The following SGMS1 variants were observed in gnomAD, a reference collection of about 807,000 sequenced individuals.
SGMS1 encodes sphingomyelin synthase 1, also known as phosphatidylcholine:ceramide cholinephosphotransferase 1.
A neutral mutation model predicts 46.2 loss-of-function variants in SGMS1; 13 were observed. That is an observed-to-expected ratio of 0.28 (90% CI 0.18 to 0.45). The LOEUF (loss-of-function observed/expected upper bound fraction) is 0.45, where lower values mean the gene tolerates loss of function less well. Among genes scored for constraint, SGMS1 ranks in the 20% least tolerant of loss-of-function variants. SGMS1 has a pLI of 1.00. For missense variants in SGMS1, 324 were observed against 519.9 expected (o/e 0.62, Z 3.66); for synonymous variants, 203 against 187.8 (o/e 1.08, Z -0.66).
At chr10:50,597,568 T>A (rs934101159) in intron 1 of SGMS1, among the ~76,000 whole-genome samples, 2 of 152,200 alleles carry the variant, frequency 1.3e-5, no homozygotes, top group Non-Finnish European at 2.9e-5. Flanking sequence ...GAAAAAATTA[T>A]AAAGGCAGAG....
At chr10:50,483,984 C>T (rs911800482) in intron 3 of SGMS1, among the ~76,000 whole-genome samples, 2 of 151,968 alleles carry the variant, frequency 1.3e-5, no homozygotes, top group Admixed American at 6.5e-5. Flanking sequence ...AGTAAAAGAA[C>T]TAGAGAAGAA....
intron 6 of SGMS1, among the ~76,000 whole-genome samples, chr10:50,413,766 G>T (rs938519205): frequency 1.3e-5 from 2 of 152,220 alleles, no homozygotes; most frequent in African/African-American, 4.8e-5. Flanking sequence ...ACAACTGGTT[G>T]AAGACTGTAC....
chr10:50,342,106 C>A (rs887457891), intron 7 of SGMS1: 1 of 152,176 alleles, frequency 6.6e-6, no homozygotes, highest in Non-Finnish European at 1.5e-5. Flanking sequence ...TTTGAGTTGA[C>A]CTTGCCTTTG....
intron 5 of SGMS1, among the ~76,000 whole-genome samples, chr10:50,451,369 CT>C (rs1232604291): frequency 6.6e-6 from 1 of 152,206 alleles, no homozygotes; most frequent in Admixed American, 6.5e-5. Context: ...CTTTCAAAAA[CT>C]TCAAAACACA....
At chr10:50,393,328 C>G (rs1033618593) in intron 6 of SGMS1, among the ~76,000 whole-genome samples, 5 of 152,196 alleles carry the variant, frequency 3.3e-5, no homozygotes, top group African/African-American at 1.2e-4. Context: ...CTAAAGAAAC[C>G]AGGTCAAGTC....
chr10:50,434,942 G>C (rs1222679916), intron 5 of SGMS1, among the ~76,000 whole-genome samples: 1 of 149,634 alleles, frequency 6.7e-6, no homozygotes, highest in Non-Finnish European at 1.5e-5. Context: ...TAAATATAGA[G>C]ATCTTCTCTA....
intron 5 of SGMS1, among the ~76,000 whole-genome samples, chr10:50,447,372 AG>A (rs1049486519): frequency 3.0e-4 from 45 of 152,256 alleles, no homozygotes; most frequent in African/African-American, 1.0e-3. Flanking sequence ...ATTACCTTAA[AG>A]TATAAATAAG....
intron 6 of SGMS1, among the ~76,000 whole-genome samples, chr10:50,391,013 C>T (rs979960089): frequency 1.3e-5 from 2 of 152,198 alleles, no homozygotes; most frequent in Non-Finnish European, 2.9e-5. Context: ...ATGCACTCTG[C>T]CCTGGCCTTG....
chr10:50,387,342 C>T lies in SGMS1; in HGVS notation c.-231-42997G>A, dbSNP rs1848697625. Among the ~76,000 whole-genome samples the T allele has an allele frequency of 2.0e-5, 3 of 152,204 alleles. No individual in the cohort carries two copies. The South Asian group carries it at 6.2e-4, about 31-fold the overall frequency. On this transcript the variant is annotated intron_variant, in intron 6 of 10. Coordinates refer to ENST00000361781, the MANE Select transcript of SGMS1 (RefSeq NM_147156.4). ...TCAAAAAGCCTTCCACAAACACATA[C>T]ACCCACTTCCTCCAAAACTTCCACC...
In SGMS1 at chr10:50,495,353, A is replaced by G. The variant is rs539037110; in HGVS notation, c.-498+24478T>C. ...TACTTCTCTGAAATAAAATTTGGCTAAAATGCCTTAATTTTAGGAGAAAAT... is the reference window on the plus strand; with the variant it reads ...TACTTCTCTGAAATAAAATTTGGCTGAAATGCCTTAATTTTAGGAGAAAAT... On this transcript the variant is annotated intron_variant, in intron 3 of 10. Transcript: ENST00000361781. Among the ~76,000 whole-genome samples, 9 of 152,144 alleles carry G rather than the reference A, an allele frequency of 5.9e-5. No homozygotes were observed. The South Asian group carries it at 1.0e-3, about 18-fold the overall frequency.
At chr10:50,598,196 CCTTATCAGAAGAGACAGGA>C (rs1418417423) in intron 1 of SGMS1, among the ~76,000 whole-genome samples, 3 of 151,590 alleles carry the variant, frequency 2.0e-5, no homozygotes, top group African/African-American at 7.3e-5. Context: ...GGATTAGTGC[CCTTATCAGAAGAGACAGGA>C]CAGAGAGAGA....
At chr10:50,624,901 G>T (rs1356112990), upstream of SGMS1, 5 of 1,003,488 alleles carry the variant, frequency 5.0e-6, no homozygotes, top group Non-Finnish European at 6.0e-6. Flanking sequence ...GAAGGGGCGC[G>T]GCTACGGGCC....
At chr10:50,341,849 T>A (rs1395334150) in intron 7 of SGMS1, among the ~76,000 whole-genome samples, 1 of 152,204 alleles carries the variant, frequency 6.6e-6, no homozygotes, top group Admixed American at 6.5e-5. Context: ...GTTGGGAAAA[T>A]TGTAATTATT....
chr10:50,443,793 A>T (rs370002178), intron 5 of SGMS1, among the ~76,000 whole-genome samples: 204 of 152,196 alleles, frequency 1.3e-3, no homozygotes, highest in Non-Finnish European at 2.3e-3. Flanking sequence ...ATACTATATT[A>T]AAAGTATAAT....
intron 5 of SGMS1, among the ~76,000 whole-genome samples, chr10:50,452,553 C>CT (rs1256922909): frequency 1.3e-5 from 2 of 152,026 alleles, no homozygotes; most frequent in African/African-American, 4.8e-5. Context: ...AATGAGGTGA[C>CT]AATAAAGTAG....
At chr10:50,380,971 C>T (rs1848595195) in intron 6 of SGMS1, among the ~76,000 whole-genome samples, 1 of 151,088 alleles carries the variant, frequency 6.6e-6, no homozygotes, top group Non-Finnish European at 1.5e-5. Flanking sequence ...GCTGGGACCA[C>T]AAGCATGTGC....
chr10:50,433,968 C>T (rs924242954), intron 5 of SGMS1, among the ~76,000 whole-genome samples: 1 of 152,192 alleles, frequency 6.6e-6, no homozygotes, highest in African/African-American at 2.4e-5. Context: ...CAAATGATTT[C>T]TTGGCCCTGC....
At chr10:50,567,448 G>A (rs1281148536) in intron 2 of SGMS1, among the ~76,000 whole-genome samples, 2 of 152,172 alleles carry the variant, frequency 1.3e-5, no homozygotes, top group African/African-American at 2.4e-5. Context: ...TAACACACAT[G>A]ATGTTGGTGC....
At position 50,623,826 on chromosome 10, in the gene SGMS1, C is replaced by T; in HGVS notation, c.-803G>A. 2 of 985,404 alleles carry T rather than the reference C, an allele frequency of 2.0e-6. No homozygotes were observed. Among genetic ancestry groups the T allele is most frequent in the Non-Finnish European group, 2.4e-6 (2 of 829,944 alleles). The allele number at this position is 985,404 out of a possible 1,614,324, so 61.0% of individuals were successfully genotyped here. ...CCAATCGCGCTCTCCGACCGGCTCCCTAGGCGCGAGGGGAGAGCAGTCAGC... is the reference window on the plus strand; with the variant it reads ...CCAATCGCGCTCTCCGACCGGCTCCTTAGGCGCGAGGGGAGAGCAGTCAGC... On this transcript the variant is annotated 5_prime_UTR_variant, in exon 1 of 11. Transcript: ENST00000361781.
Sources: gnomAD v4.1 joint callset for allele counts (sites outside exome capture counted in the v4.1 genomes callset) on GRCh38, gnomAD v4.1.1 for gene constraint, MANE v1.5 for transcripts, NCBI Gene and HGNC (gene_info 2026-07-23, HGNC 2026-07-21) for gene names.